The following MEAK7 variants were observed in gnomAD, a reference collection of about 807,000 sequenced individuals.
MEAK7 encodes the protein MTOR-associated protein MEAK7.
Under a neutral mutation model 40.5 loss-of-function variants are expected in MEAK7, and 68 were observed. The observed-to-expected ratio is 1.68, with a 90% CI of 1.38 to 2.06. MEAK7 has a LOEUF of 2.06. Ranked by LOEUF, MEAK7 falls within the 30% of genes most tolerant of loss-of-function variation. The pLI is 0.00. For missense variants in MEAK7, 918 were observed against 580.5 expected (o/e 1.58, Z -5.98); for synonymous variants, 338 against 231.9 (o/e 1.46, Z -4.16).
intron 1 of MEAK7, among the ~76,000 whole-genome samples, chr16:84,500,659 C>T (rs926955188): frequency 6.6e-6 from 1 of 152,170 alleles, no homozygotes; most frequent in African/African-American, 2.4e-5. Context: ...CTCACCGCTT[C>T]CACTCCTCAC....
At position 84,504,646 on chromosome 16, in the gene MEAK7, G is replaced by A; in HGVS notation, c.-71C>T. The A allele has an allele frequency of 4.1e-6, 4 of 985,602 alleles. No individual in the cohort carries two copies. Among genetic ancestry groups the A allele is most frequent in the Non-Finnish European group, 4.8e-6 (4 of 830,026 alleles). The allele number at this position is 985,602 out of a possible 1,614,324, so 61.1% of individuals were successfully genotyped here. A position where few individuals can be genotyped will look rare whatever the true frequency, so the allele number is the denominator to read the frequency against. ...TGTCCGGTCCGGTCCAGCAGCCCAC[G>A]GGCTCCTCTCGAGAGCCGCCCCTTC... On this transcript the variant is annotated 5_prime_UTR_variant, in exon 1 of 8. Coordinates refer to ENST00000343629, the MANE Select transcript of MEAK7 (RefSeq NM_020947.4).
At chr16:84,496,016 G>T (rs745341890) in intron 2 of MEAK7, 103 bp from the exon 3 acceptor site, 1 of 1,285,042 alleles carries the variant, frequency 7.8e-7, no homozygotes. Context: ...GGGGTCCTTG[G>T]GAAGTTTTCG....
chr16:84,495,133 GTGGTGTGTGCC>G (rs1401054481), intron 3 of MEAK7, among the ~76,000 whole-genome samples: 1 of 152,140 alleles, frequency 6.6e-6, no homozygotes, highest in Non-Finnish European at 1.5e-5. Context: ...GCCAGGCACG[GTGGTGTGTGCC>G]TGTAGCCCCA....
intron 3 of MEAK7, among the ~76,000 whole-genome samples, chr16:84,494,542 G>A (rs776507445): frequency 2.7e-4 from 41 of 152,034 alleles, no homozygotes; most frequent in Non-Finnish European, 4.4e-4. Context: ...GAGTAACAGC[G>A]ACCTATTTAT....
chr16:84,487,613 C>A (rs1913204114), intron 4 of MEAK7: 1 of 154,354 alleles, frequency 6.5e-6, no homozygotes, highest in Non-Finnish European at 1.4e-5. Flanking sequence ...TGGTAGGGCA[C>A]TTCCTGGGAC....
At chr16:84,488,881 G>T (rs1037235722) in intron 4 of MEAK7, among the ~76,000 whole-genome samples, 9 of 151,966 alleles carry the variant, frequency 5.9e-5, no homozygotes, top group Non-Finnish European at 1.2e-4. Flanking sequence ...AAGAAACTAG[G>T]AAAAGAAGAC....
rs1408409910 is a variant in MEAK7, at chr16:84,478,647, A to G, written c.*1266T>C. The G allele has an allele frequency of 6.6e-6, 1 of 152,242 alleles. No individual in the cohort carries two copies. The highest frequency in any genetic ancestry group is 1.5e-5 in the Non-Finnish European group (1 of 68,058). 9.4% of individuals were successfully genotyped at this position (152,242 alleles called of 1,614,324 possible). The stretch of plus-strand genomic sequence containing the variant: ...TGTGTTGTTTTCCAGACGTGGGCAG[A>G]TGGCAGCTCTGCTGACCCCACAACC... On this transcript the variant is annotated 3_prime_UTR_variant, in exon 8 of 8. Coordinates refer to ENST00000343629, the MANE Select transcript of MEAK7 (RefSeq NM_020947.4).
At chr16:84,499,274 G>A (rs2150647684) in intron 1 of MEAK7, among the ~76,000 whole-genome samples, 1 of 152,318 alleles carries the variant, frequency 6.6e-6, no homozygotes, top group Middle Eastern at 3.4e-3. Context: ...TGCTGTGACT[G>A]TTAATTCCTG....
At chr16:84,485,677 T>C (rs71390479) in intron 5 of MEAK7, among the ~76,000 whole-genome samples, 60,685 of 148,812 alleles carry the variant, frequency 0.41, 13,092 homozygotes, top group South Asian at 0.58. Context: ...TATCTACCTA[T>C]CTATCTATCT....
intron 4 of MEAK7, chr16:84,487,670 G>T (rs775476485): frequency 2.0e-5 from 3 of 153,280 alleles, no homozygotes; most frequent in African/African-American, 7.2e-5. Context: ...CCACTAATCA[G>T]GCTTAATCAT....
intron 1 of MEAK7, chr16:84,503,966 G>A (rs1237488361): frequency 1.0e-6 from 1 of 985,398 alleles, no homozygotes; most frequent in Non-Finnish European, 1.2e-6. Flanking sequence ...ACCCCCACAA[G>A]CTGGGGAGAT....
Position 84,480,046 on chromosome 16 carries a change from G to GT in MEAK7, c.1258-21dup. Reference sequence around the variant, plus strand: ...CTTGGCCTTGAGAAGAGAAGAAAGGGTGGGTGTGTTCCATGATGGCCCAAC... The same window carrying GT: ...CTTGGCCTTGAGAAGAGAAGAAAGGGTTGGGTGTGTTCCATGATGGCCCAAC... On this transcript the variant is annotated intron_variant, in intron 7 of 7. Transcript: ENST00000343629. 8 of 1,569,600 alleles carry GT rather than the reference G, an allele frequency of 5.1e-6. No homozygotes were observed. The highest frequency in any genetic ancestry group is 6.1e-6 in the Non-Finnish European group (7 of 1,149,194).
chr16:84,484,040 GC>G (rs1294507798), intron 5 of MEAK7, among the ~76,000 whole-genome samples: 1 of 152,170 alleles, frequency 6.6e-6, no homozygotes, highest in Non-Finnish European at 1.5e-5. Context: ...CGTCTGCACT[GC>G]CCCCGCCCCG....
At chr16:84,481,757 C>T (rs1391574309) in intron 6 of MEAK7, among the ~76,000 whole-genome samples, 2 of 152,058 alleles carry the variant, frequency 1.3e-5, no homozygotes, top group African/African-American at 2.4e-5. Context: ...CATGGTGAAA[C>T]CCCGTCTCTA....
At chr16:84,497,684 G>T in intron 2 of MEAK7, 1 of 1,469,148 alleles carries the variant, frequency 6.8e-7, no homozygotes, top group Non-Finnish European at 9.1e-7. Context: ...TTTCAAAAAC[G>T]GGGAGGGATG....
intron 1 of MEAK7, chr16:84,500,013 G>C (rs13332504): frequency 0.078 from 11,793 of 151,932 alleles, 832 homozygotes; most frequent in East Asian, 0.29. Context: ...CTCCAGCCTG[G>C]GTAAAAGGGC....
rs79907346 is a variant in MEAK7 at position 84,504,037 on chromosome 16, C to T, written c.-26+564G>A. 3.0e-3 allele frequency: 2,927 copies of T among 985,534 alleles called. 74 individuals are homozygous for T. In the African/African-American group the frequency reaches 0.047, roughly 16 times the overall value. 61.0% of individuals were successfully genotyped at this position (985,534 alleles called of 1,614,324 possible). On this transcript the variant is annotated intron_variant, in intron 1 of 7. Coordinates refer to ENST00000343629, the MANE Select transcript of MEAK7 (RefSeq NM_020947.4). Reference sequence around the variant, plus strand: ...GTCTGTGTCTCAGAGCCCAGAGGCCCTTGTGCGAAGGGGCAGCTTGAGCCT... The same window carrying T: ...GTCTGTGTCTCAGAGCCCAGAGGCCTTTGTGCGAAGGGGCAGCTTGAGCCT...
intron 3 of MEAK7, among the ~76,000 whole-genome samples, chr16:84,492,159 T>C (rs537481908): frequency 3.3e-5 from 5 of 152,282 alleles, no homozygotes; most frequent in South Asian, 2.1e-4. Flanking sequence ...TAAGGGCCGA[T>C]TTTGAGAGAG....
chr16:84,495,908 G>A lies in MEAK7; in HGVS notation c.159C>T (p.His53=), dbSNP rs185668209. 119 of 1,613,942 alleles carry A rather than the reference G, an allele frequency of 7.4e-5. No individual in the cohort carries two copies. The highest frequency in any genetic ancestry group is 8.8e-5 in the Non-Finnish European group (104 of 1,180,000). ...KSFSLKALQN[H]VGEALPPEMV... is the part of the protein sequence containing the mutation. ...TCTCTGGGGGAAGAGCTTCCCCGAC[G>A]TGGTTCTGCCGGGGACAAGCAGAAA... The change falls in exon 3 of 8, where the codon CAC becomes CAT. Residue 53 remains histidine, a synonymous_variant. Coordinates refer to ENST00000343629, the MANE Select transcript of MEAK7 (RefSeq NM_020947.4).
Sources: gnomAD v4.1 joint callset for allele counts (sites outside exome capture counted in the v4.1 genomes callset) on GRCh38, gnomAD v4.1.1 for gene constraint, MANE v1.5 for transcripts, NCBI Gene and HGNC (gene_info 2026-07-23, HGNC 2026-07-21) for gene names.